RIMS1: variants seen among roughly 807,000 people sequenced by gnomAD.
The protein encoded by RIMS1 is regulating synaptic membrane exocytosis 1, also known as regulating synaptic membrane exocytosis protein 1.
RIMS1 carries 83 observed loss-of-function variants against 214.1 expected under a neutral mutation model. That is an observed-to-expected ratio of 0.39 (90% CI 0.32 to 0.47). The LOEUF (loss-of-function observed/expected upper bound fraction) is 0.47, where lower values mean the gene tolerates loss of function less well. Ranked by LOEUF, RIMS1 falls within the 20% of genes least tolerant of loss-of-function variation. RIMS1 has a pLI of 0.99. For synonymous variants in RIMS1, 793 were observed against 786.8 expected, an observed-to-expected ratio of 1.01 and a Z score of -0.13; for missense variants, 2,050 against 2,161.8, an observed-to-expected ratio of 0.95 and a Z score of 1.03.
At chr6:72,058,947 C>T (rs1827103339) in intron 2 of RIMS1, among the ~76,000 whole-genome samples, 1 of 152,092 alleles carries the variant, frequency 6.6e-6, no homozygotes, top group East Asian at 1.9e-4. Context: ...TGGAAGAAAA[C>T]AGCCTCCTGA....
chr6:72,018,041 GC>G (rs1415035197), intron 2 of RIMS1, among the ~76,000 whole-genome samples: 4 of 152,118 alleles, frequency 2.6e-5, no homozygotes, highest in Non-Finnish European at 5.9e-5. Flanking sequence ...GAAGAGTTTG[GC>G]CTGAGAAGTG....
intron 4 of RIMS1, among the ~76,000 whole-genome samples, chr6:72,164,185 C>T (rs183809653): frequency 2.4e-4 from 37 of 152,292 alleles, no homozygotes; most frequent in Admixed American, 1.5e-3. Context: ...TAGGACCCTC[C>T]GAGCCAAGTG....
chr6:72,234,824 A>G (rs1331850375), intron 7 of RIMS1, among the ~76,000 whole-genome samples: 1 of 152,026 alleles, frequency 6.6e-6, no homozygotes, highest in Non-Finnish European at 1.5e-5. Context: ...CATACAGTTT[A>G]TAGCTTGTTC....
chr6:72,070,774 A>G (rs1291506044), intron 2 of RIMS1, among the ~76,000 whole-genome samples: 1 of 152,150 alleles, frequency 6.6e-6, no homozygotes, highest in South Asian at 2.1e-4. Context: ...AATAACCTGG[A>G]GGGAGGTTTT....
At chr6:71,895,673 CAAAAA>C (rs70994105) in intron 1 of RIMS1, among the ~76,000 whole-genome samples, 3 of 64,222 alleles carry the variant, frequency 4.7e-5, no homozygotes, top group African/African-American at 1.3e-4. Context: ...GACTCCCTCT[CAAAAA>C]AAAAAAAAAA....
intron 1 of RIMS1, among the ~76,000 whole-genome samples, chr6:71,890,348 A>T (rs1399609314): frequency 8.5e-6 from 1 of 118,156 alleles, no homozygotes; most frequent in Non-Finnish European, 1.8e-5. Flanking sequence ...TGATTGACTT[A>T]ATTATCTGCA....
intron 2 of RIMS1, among the ~76,000 whole-genome samples, chr6:71,969,371 C>G (rs1254651242): frequency 6.6e-6 from 1 of 152,112 alleles, no homozygotes; most frequent in Non-Finnish European, 1.5e-5. Flanking sequence ...TGTGTATGAG[C>G]TGGAATATAA....
intron 22 of RIMS1, among the ~76,000 whole-genome samples, chr6:72,267,970 C>T (rs2081337656): frequency 6.6e-6 from 1 of 152,028 alleles, no homozygotes; most frequent in South Asian, 2.1e-4. Context: ...TGAAACAAGT[C>T]TTGGTATTAT....
At chr6:72,384,332 C>T (rs1163923660) in intron 29 of RIMS1, among the ~76,000 whole-genome samples, 1 of 152,054 alleles carries the variant, frequency 6.6e-6, no homozygotes, top group Non-Finnish European at 1.5e-5. Flanking sequence ...TATTTACTCA[C>T]CTCTCATTCC....
chr6:71,959,565 G>A (rs1445777066), intron 1 of RIMS1, among the ~76,000 whole-genome samples: 1 of 151,602 alleles, frequency 6.6e-6, no homozygotes, highest in Non-Finnish European at 1.5e-5. Flanking sequence ...CTTACAAATG[G>A]CATCAATTTC....
chr6:71,956,128 A>G (rs550084309), intron 1 of RIMS1, among the ~76,000 whole-genome samples: 33 of 152,284 alleles, frequency 2.2e-4, no homozygotes, highest in African/African-American at 7.9e-4. Flanking sequence ...TATGAACAGT[A>G]GAAATGTTTA....
intron 7 of RIMS1, 97 bp downstream of exon 7, chr6:72,233,937 G>GCCCTTACCAAATGAATAATA: frequency 1.3e-6 from 1 of 763,250 alleles, no homozygotes; most frequent in Non-Finnish European, 2.2e-6. Flanking sequence ...TTATTCATTT[G>GCCCTTACCAAATGAATAATA]GTAAGGGCAA....
intron 1 of RIMS1, among the ~76,000 whole-genome samples, chr6:71,915,546 C>G (rs1032099690): frequency 6.6e-6 from 1 of 152,106 alleles, no homozygotes; most frequent in Admixed American, 6.6e-5. Context: ...TTTCTTCTCC[C>G]TCACATATAA....
In RIMS1 at chr6:72,248,060, C is replaced by T; in HGVS notation, c.2174C>T (p.Ser725Phe). ...ESQKMERPSI[S>F]VISPTSPGAL... is the part of the protein sequence containing the mutation. ...CAGAAGATGGAAAGGCCTTCCATTTCTGTTATTTCTCCAACAAGTCCTGGA... is the reference window on the plus strand; with the variant it reads ...CAGAAGATGGAAAGGCCTTCCATTTTTGTTATTTCTCCAACAAGTCCTGGA... Residue 725 changes from serine to phenylalanine, a missense_variant, in exon 12 of 34, where the codon TCT becomes TTT. Coordinates refer to ENST00000521978, the MANE Select transcript of RIMS1 (RefSeq NM_014989.7). The T allele has an allele frequency of 6.2e-7, 1 of 1,613,208 alleles. No individual in the cohort carries two copies. The highest frequency in any genetic ancestry group is 8.5e-7 in the Non-Finnish European group (1 of 1,179,474).
intron 4 of RIMS1, among the ~76,000 whole-genome samples, chr6:72,140,022 C>T (rs2041888909): frequency 6.6e-6 from 1 of 152,086 alleles, no homozygotes; most frequent in Non-Finnish European, 1.5e-5. Flanking sequence ...TAGCATTGGT[C>T]CAGACAGGGA....
intron 2 of RIMS1, among the ~76,000 whole-genome samples, chr6:72,005,812 G>A (rs1700492654): frequency 1.3e-5 from 2 of 152,198 alleles, no homozygotes; most frequent in Non-Finnish European, 2.9e-5. Context: ...ATGTAGATTA[G>A]TGGGAGGCAA....
intron 1 of RIMS1, among the ~76,000 whole-genome samples, chr6:71,964,130 A>G (rs1346992075): frequency 6.6e-6 from 1 of 152,152 alleles, no homozygotes; most frequent in Non-Finnish European, 1.5e-5. Context: ...TAGGGTAGGA[A>G]CCATCAAAAA....
intron 25 of RIMS1, among the ~76,000 whole-genome samples, chr6:72,291,556 G>A (rs1293414169): frequency 6.6e-6 from 1 of 152,194 alleles, no homozygotes; most frequent in Non-Finnish European, 1.5e-5. Context: ...TTAGGCAACA[G>A]CCTTTCTTGC....
Position 71,926,651 on chromosome 6 carries a change from C to G in RIMS1, c.164+39464C>G, listed in dbSNP as rs181753482. Reference sequence around the variant, plus strand: ...TTACTTTGGGGATATGGTTGATACCCGTCAATTAAGTTAATGAACAAACCT... The same window carrying G: ...TTACTTTGGGGATATGGTTGATACCGGTCAATTAAGTTAATGAACAAACCT... On this transcript the variant is annotated intron_variant, in intron 1 of 33. Transcript: ENST00000521978. Among the ~76,000 whole-genome samples, 733 of 152,060 alleles carry G rather than the reference C, an allele frequency of 4.8e-3. 6 individuals carry two copies. The highest frequency in any genetic ancestry group is 0.017 in the African/African-American group (688 of 41,498).
Sources: allele counts gnomAD v4.1 joint callset (sites outside exome capture counted in the v4.1 genomes callset), GRCh38; gene constraint gnomAD v4.1.1; transcripts MANE v1.5; gene names NCBI Gene and HGNC (gene_info 2026-07-23, HGNC 2026-07-21).